SLC38A10: variants seen among roughly 807,000 people sequenced by gnomAD.
SLC38A10 encodes solute carrier family 38 member 10.
In SLC38A10, 53 loss-of-function variants were observed where a neutral mutation model predicts 81.0. That is an observed-to-expected ratio of 0.65 (90% CI 0.53 to 0.82). The LOEUF (loss-of-function observed/expected upper bound fraction) is 0.82. SLC38A10 is among the 40% of genes least tolerant of loss of function. The pLI is 0.00. For missense variants in SLC38A10, 1,471 were observed against 1,545.0 expected (o/e 0.95, Z 0.80); for synonymous variants, 665 against 655.3 (o/e 1.01, Z -0.23).
intron 10 of SLC38A10, chr17:81,264,092 C>T (rs1195550050): frequency 1.3e-5 from 2 of 152,330 alleles, no homozygotes; most frequent in South Asian, 2.1e-4. Context: ...AACCACGGGA[C>T]GTGTGACATA....
chr17:81,263,481 T>G (rs1031223682), intron 10 of SLC38A10: 1 of 152,288 alleles, frequency 6.6e-6, no homozygotes, highest in African/African-American at 2.4e-5. Flanking sequence ...CCCTGAACAC[T>G]GAGATGGTGA....
Position 81,272,578 on chromosome 17 carries a change from A to G in SLC38A10, c.962T>C (p.Phe321Ser), listed in dbSNP as rs375789096. ...CACCACAGAGAGGGTAAGTGCTTTA[A>G]ACCGGAGAGGGGGCATGTAGCCCCC... ...AAGGYMPPLR[F>S]KALTLSVVFG... The change falls in exon 9 of 16, where the codon TTT becomes TCT. Residue 321 changes from phenylalanine (F) to serine (S), a missense_variant. Phe to Ser is a radical substitution (Grantham distance 155). Coordinates refer to ENST00000374759, the MANE Select transcript of SLC38A10 (RefSeq NM_001037984.3). The G allele has an allele frequency of 8.2e-6, 13 of 1,590,422 alleles. No homozygotes were observed. Among genetic ancestry groups the G allele is most frequent in the Non-Finnish European group, 9.4e-6 (11 of 1,170,074 alleles).
intron 1 of SLC38A10, among the ~76,000 whole-genome samples, chr17:81,293,419 C>G (rs2063325241): frequency 1.3e-5 from 2 of 152,204 alleles, no homozygotes; most frequent in Non-Finnish European, 2.9e-5. Context: ...ACAACTCAGA[C>G]ACAACAGCCT....
intron 11 of SLC38A10, among the ~76,000 whole-genome samples, chr17:81,255,991 AT>A (rs141454147): frequency 0.031 from 4,664 of 152,286 alleles, 140 homozygotes; most frequent in African/African-American, 0.081. Flanking sequence ...CAAAAAAAAA[AT>A]CATCTCCAGT....
intron 11 of SLC38A10, among the ~76,000 whole-genome samples, chr17:81,255,828 A>G (rs1028321821): frequency 4.6e-5 from 7 of 152,222 alleles, no homozygotes; most frequent in African/African-American, 1.7e-4. Flanking sequence ...CTCAACAAAA[A>G]TACAAAATTA....
Position 81,246,175 on chromosome 17 carries a change from A to T in SLC38A10, c.2741T>A (p.Val914Glu). ...TSILKEANWL[V>E]AGPGAETGDP... Reference sequence around the variant, plus strand: ...CCCCGTCTCTGCTCCTGGCCCTGCCACGAGCCAGTTGGCTTCCTTCAGAAT... The same window carrying T: ...CCCCGTCTCTGCTCCTGGCCCTGCCTCGAGCCAGTTGGCTTCCTTCAGAAT... The change falls in exon 16 of 16, where the codon GTG becomes GAG. Residue 914 changes from valine (V) to glutamate (E), a missense_variant. By Grantham distance (121) the Val-to-Glu change is moderately radical. Around this residue, in one of 2 missense-constraint regions of SLC38A10, gnomAD observed 751 missense variants for 717.4 expected, o/e 1.05. Transcript: ENST00000374759. 1 of 1,612,362 alleles carries T rather than the reference A, an allele frequency of 6.2e-7. No individual in the cohort carries two copies. Among genetic ancestry groups the T allele is most frequent in the Non-Finnish European group, 8.5e-7 (1 of 1,179,924 alleles).
intron 1 of SLC38A10, among the ~76,000 whole-genome samples, chr17:81,293,040 G>A (rs1207045167): frequency 1.3e-5 from 2 of 152,260 alleles, no homozygotes; most frequent in African/African-American, 2.4e-5. Context: ...GCACATGCCT[G>A]TAATCCCAGC....
At chr17:81,260,651 C>G (rs1202668850) in intron 10 of SLC38A10, among the ~76,000 whole-genome samples, 1 of 152,240 alleles carries the variant, frequency 6.6e-6, no homozygotes, top group African/African-American at 2.4e-5. Context: ...GCGCCGCTGC[C>G]AGAGCATGGC....
Position 81,245,741 on chromosome 17 carries a change from G to A in SLC38A10, c.3175C>T (p.His1059Tyr). 1 of 1,596,224 alleles carries A rather than the reference G, an allele frequency of 6.3e-7. No individual in the cohort carries two copies. The highest frequency in any genetic ancestry group is 8.6e-7 in the Non-Finnish European group (1 of 1,167,452). ...CTCGGGGCCAGCTGACCCTCTGCATGAGGGCCAAGGTCCCGCCGTCGCCTC... is the reference window on the plus strand; with the variant it reads ...CTCGGGGCCAGCTGACCCTCTGCATAAGGGCCAAGGTCCCGCCGTCGCCTC... ...LRRRRRDLGP[H>Y]AEGQLAPRDG... The change falls in exon 16 of 16, where the codon CAT becomes TAT. Residue 1059 changes from histidine (H) to tyrosine (Y), a missense_variant. By Grantham distance (83) the His-to-Tyr change is moderately conservative. Around this residue, in one of 2 missense-constraint regions of SLC38A10, gnomAD observed 751 missense variants for 717.4 expected, o/e 1.05. Coordinates refer to ENST00000374759, the MANE Select transcript of SLC38A10 (RefSeq NM_001037984.3).
At chr17:81,293,354 C>T (rs946108881) in intron 1 of SLC38A10, among the ~76,000 whole-genome samples, 2 of 152,228 alleles carry the variant, frequency 1.3e-5, no homozygotes, top group African/African-American at 4.8e-5. Context: ...CCGGGGGGCT[C>T]TGGAGGCATG....
At chr17:81,252,037 C>T in intron 13 of SLC38A10, 158 bp downstream of exon 13, 1 of 1,072,312 alleles carries the variant, frequency 9.3e-7, no homozygotes, top group Non-Finnish European at 1.3e-6. Context: ...CTCTTCCTGT[C>T]CCCACCAGCT....
chr17:81,258,590 G>A (rs1044872358), intron 11 of SLC38A10, among the ~76,000 whole-genome samples: 1 of 151,936 alleles, frequency 6.6e-6, no homozygotes, highest in Non-Finnish European at 1.5e-5. Flanking sequence ...CTGGACGAGG[G>A]CGACACCCCT....
chr17:81,273,734 G>A (rs548390228), intron 8 of SLC38A10, among the ~76,000 whole-genome samples: 1 of 152,320 alleles, frequency 6.6e-6, no homozygotes, highest in Admixed American at 6.5e-5. Context: ...CCAGAGAAGG[G>A]GAGAGGGGAC....
Position 81,280,884 on chromosome 17 carries a change from C to A in SLC38A10, c.502-151G>T. ...CCCCACCACCCTGTGCCGCCCTGTG[C>A]CGCCTTGTGCCGCCAGCTGGAGGCA... On this transcript the variant is annotated intron_variant, in intron 5 of 15. Transcript: ENST00000374759. The A allele has an allele frequency of 5.5e-6, 5 of 910,508 alleles. 1 individual carries two copies. In the South Asian group the frequency reaches 8.3e-5, roughly 15 times the overall value. The allele number at this position is 910,508 out of a possible 1,614,324, so 56.4% of individuals were successfully genotyped here. A position where few individuals can be genotyped will look rare whatever the true frequency, so the allele number is the denominator to read the frequency against.
intron 10 of SLC38A10, among the ~76,000 whole-genome samples, chr17:81,266,866 G>T (rs1226426628): frequency 6.6e-6 from 1 of 152,200 alleles, no homozygotes; most frequent in Non-Finnish European, 1.5e-5. Flanking sequence ...AGCCCAGTTA[G>T]ACCAAAAAAT....
chr17:81,245,942 C>T lies in SLC38A10; in HGVS notation c.2974G>A (p.Asp992Asn), dbSNP rs746565852. 7 of 1,606,594 alleles carry T rather than the reference C, an allele frequency of 4.4e-6. No homozygotes were observed. The highest frequency in any genetic ancestry group is 6.0e-6 in the Non-Finnish European group (7 of 1,176,222). ...TGCTCGTGGGACACAGGCACATGGT[C>T]CCCCCCGCGGGCCTTTCTCATCTCC... ...HLEMRKARGG[D>N]HVPVSHEQPR... is the part of the protein sequence containing the mutation. The change falls in exon 16 of 16, where the codon GAC becomes AAC. Residue 992 changes from aspartate (D) to asparagine (N), a missense_variant. Around this residue, in one of 2 missense-constraint regions of SLC38A10, gnomAD observed 751 missense variants for 717.4 expected, o/e 1.05. Coordinates refer to ENST00000374759, the MANE Select transcript of SLC38A10 (RefSeq NM_001037984.3).
chr17:81,264,707 G>C (rs1567934492), intron 10 of SLC38A10: 1 of 152,196 alleles, frequency 6.6e-6, no homozygotes, highest in Non-Finnish European at 1.5e-5. Context: ...TCTGCACCAC[G>C]CGCCTCGATT....
Position 81,246,151 on chromosome 17 carries a change from C to T in SLC38A10, c.2765G>A (p.Gly922Glu). 6.2e-7 allele frequency: 1 copy of T among 1,611,340 alleles called. No individual in the cohort carries two copies. The highest frequency in any genetic ancestry group is 8.5e-7 in the Non-Finnish European group (1 of 1,179,880). ...TTGCTTGGGCTTCATGCGAGGGTCC[C>T]CCGTCTCTGCTCCTGGCCCTGCCAC... ...WLVAGPGAET[G>E]DPRMKPKQVS... The change falls in exon 16 of 16, where the codon GGG becomes GAG. Residue 922 changes from glycine to glutamate, a missense_variant. Transcript: ENST00000374759.
In SLC38A10 at chr17:81,270,901, C is replaced by G. The variant is rs370563196; in HGVS notation, c.1131+17G>C. 2 of 1,612,114 alleles carry G rather than the reference C, an allele frequency of 1.2e-6. No homozygotes were observed. The highest frequency in any genetic ancestry group is 1.3e-5 in the African/African-American group (1 of 74,868). On this transcript the variant is annotated intron_variant, in intron 10 of 15. Coordinates refer to ENST00000374759, the MANE Select transcript of SLC38A10 (RefSeq NM_001037984.3). This position sits in a 1 kb window ranked among gnomAD's most constrained non-coding sequence, Gnocchi z 4.0. Reference sequence around the variant, plus strand: ...CCCATCAGCCCTCGTCCAGGCCACCCCACGAGCAGCACGCACCTGGGAGGA... The same window carrying G: ...CCCATCAGCCCTCGTCCAGGCCACCGCACGAGCAGCACGCACCTGGGAGGA...
Sources: allele counts gnomAD v4.1 joint callset (sites outside exome capture counted in the v4.1 genomes callset), GRCh38; gene constraint gnomAD v4.1.1; regional missense constraint gnomAD v4.1.1; non-coding constraint Gnocchi (gnomAD v3.1); transcripts MANE v1.5; gene names NCBI Gene and HGNC (gene_info 2026-07-23, HGNC 2026-07-21).